The following C2CD2 variants were observed in gnomAD, a reference collection of about 807,000 sequenced individuals.
The protein encoded by C2CD2 is C2 domain-containing protein 2.
A neutral mutation model predicts 74.3 loss-of-function variants in C2CD2; 43 were observed. The observed-to-expected ratio is 0.58, with a 90% confidence interval of 0.45 to 0.75. C2CD2 has a LOEUF of 0.75. C2CD2 is among the 30% of genes least tolerant of loss of function. The pLI is 0.00. For missense variants in C2CD2, 801 were observed against 916.3 expected (o/e 0.87, Z 1.63); for synonymous variants, 422 against 390.7 (o/e 1.08, Z -0.94).
chr21:41,901,355 A>C, intron 12 of C2CD2: 1 of 522,922 alleles, frequency 1.9e-6, no homozygotes, highest in Non-Finnish European at 3.5e-6. Context: ...TCTTTCGATA[A>C]TTTTTCTTGA....
Position 41,892,327 on chromosome 21 carries a change from G to A in C2CD2, c.1871-2983C>T, listed in dbSNP as rs1186283394. 1.3e-5 allele frequency among the ~76,000 whole-genome samples: 2 copies of A among 152,168 alleles called. No individual in the cohort carries two copies. Among genetic ancestry groups the A allele is most frequent in the African/African-American group, 4.8e-5 (2 of 41,430 alleles). ...GCTCTCCCACAGGGCCTCAGAAAGG[G>A]TGGCCCTGCTAGCACCAGCAGCTCA... On this transcript the variant is annotated intron_variant, in intron 13 of 13. Transcript: ENST00000380486. The surrounding 1 kb of genome is among the most constrained non-coding windows in gnomAD (Gnocchi z 4.6).
At chr21:41,942,415 C>T (rs2065362451) in intron 1 of C2CD2, among the ~76,000 whole-genome samples, 170 bp from the exon 2 acceptor site, 1 of 152,230 alleles carries the variant, frequency 6.6e-6, no homozygotes, top group South Asian at 2.1e-4. Flanking sequence ...TCTGCACATC[C>T]AAGGAGCAGC....
chr21:41,917,337 A>C (rs2065103929), intron 5 of C2CD2, among the ~76,000 whole-genome samples: 1 of 152,268 alleles, frequency 6.6e-6, no homozygotes, highest in Non-Finnish European at 1.5e-5. Flanking sequence ...CTAGATAATA[A>C]AGATGGACAT....
Position 41,923,488 on chromosome 21 carries a change from A to G in C2CD2, c.379-1403T>C, listed in dbSNP as rs1293894914. 2.0e-5 allele frequency among the ~76,000 whole-genome samples: 3 copies of G among 152,242 alleles called. No individual in the cohort carries two copies. The highest frequency in any genetic ancestry group is 4.4e-5 in the Non-Finnish European group (3 of 68,038). ...GTTTTCTTAAATTACCCAGAACACA[A>G]TGGGTTGCTTCCACCTAAATAATTT... On this transcript the variant is annotated intron_variant, in intron 2 of 13. Transcript: ENST00000380486. This position sits in a 1 kb window ranked among gnomAD's most constrained non-coding sequence, Gnocchi z 5.8.
Position 41,939,177 on chromosome 21 carries a change from C to T in C2CD2, c.378+2970G>A, listed in dbSNP as rs1444375793. On this transcript the variant is annotated intron_variant, in intron 2 of 13. Transcript: ENST00000380486. The surrounding 1 kb of genome is among the most constrained non-coding windows in gnomAD (Gnocchi z 5.5). ...CAGTTATGAAAAATGTTGCTATGGT[C>T]ATGGCCATACAAATACGATGCTGTT... 2.0e-5 allele frequency among the ~76,000 whole-genome samples: 3 copies of T among 152,184 alleles called. No individual in the cohort carries two copies. The highest frequency in any genetic ancestry group is 4.4e-5 in the Non-Finnish European group (3 of 68,046).
At chr21:41,942,860 C>T (rs1041833132) in intron 1 of C2CD2, 2 of 498,998 alleles carry the variant, frequency 4.0e-6, no homozygotes, top group Non-Finnish European at 2.6e-6. Context: ...TGGCTGCCCA[C>T]AGAGTAGACT....
chr21:41,944,316 T>C (rs771287332), intron 1 of C2CD2, among the ~76,000 whole-genome samples: 17 of 151,734 alleles, frequency 1.1e-4, no homozygotes, highest in Non-Finnish European at 2.2e-4. Flanking sequence ...ATCGAGACCA[T>C]CCTGGCTAAC....
At position 41,923,240 on chromosome 21, in the gene C2CD2, A is replaced by G. The variant is rs150556938; in HGVS notation, c.379-1155T>C. On this transcript the variant is annotated intron_variant, in intron 2 of 13. Transcript: ENST00000380486. The surrounding 1 kb of genome is among the most constrained non-coding windows in gnomAD (Gnocchi z 5.8). ...GATCTCCTCACCTCGTGATCCGCCC[A>G]CCTCGGCCTTCCAAAGTGCTAGGAT... Among the ~76,000 whole-genome samples, 2,432 of 152,126 alleles carry G rather than the reference A, an allele frequency of 0.016. 65 individuals are homozygous for G. Among genetic ancestry groups the G allele is most frequent in the African/African-American group, 0.052 (2,177 of 41,498 alleles).
chr21:41,901,233 A>C, intron 12 of C2CD2: 1 of 309,294 alleles, frequency 3.2e-6, no homozygotes, highest in Non-Finnish European at 6.3e-6. Context: ...TTCACTGCAA[A>C]AAAGTAAAAG....
At chr21:41,931,566 G>A (rs2065261580) in intron 2 of C2CD2, among the ~76,000 whole-genome samples, 1 of 149,576 alleles carries the variant, frequency 6.7e-6, no homozygotes, top group Non-Finnish European at 1.5e-5. Flanking sequence ...GGGACTACAG[G>A]CGCGTGCCAC....
At chr21:41,950,440 G>A (rs944492929) in intron 1 of C2CD2, among the ~76,000 whole-genome samples, 4 of 152,216 alleles carry the variant, frequency 2.6e-5, no homozygotes, top group African/African-American at 9.6e-5. Context: ...GTGGGAATCC[G>A]AGGTCCCCTG....
chr21:41,909,548 G>A, intron 7 of C2CD2, 25 bp from the exon 8 acceptor site: 1 of 1,531,852 alleles, frequency 6.5e-7, no homozygotes, highest in Non-Finnish European at 9.0e-7. Context: ...CAAGTTATGA[G>A]TCCTAAAAAA....
intron 10 of C2CD2, 133 bp downstream of exon 10, chr21:41,906,859 G>C: frequency 1.6e-6 from 1 of 642,264 alleles, no homozygotes; most frequent in Non-Finnish European, 2.7e-6. Context: ...TGGCCAATTA[G>C]CACCCTTCCT....
chr21:41,897,540 G>C (rs914230803), intron 13 of C2CD2, among the ~76,000 whole-genome samples: 2 of 152,214 alleles, frequency 1.3e-5, no homozygotes, highest in Admixed American at 6.5e-5. Flanking sequence ...CAGCCCTCAA[G>C]TGCTCTGTGG....
intron 7 of C2CD2, among the ~76,000 whole-genome samples, chr21:41,910,077 T>A (rs1041627654): frequency 6.6e-6 from 1 of 151,382 alleles, no homozygotes; most frequent in Non-Finnish European, 1.5e-5. Flanking sequence ...CAAGCCATCC[T>A]CCCACCTCGG....
intron 13 of C2CD2, among the ~76,000 whole-genome samples, chr21:41,891,241 C>T (rs746384429): frequency 3.3e-5 from 5 of 152,128 alleles, no homozygotes; most frequent in African/African-American, 4.8e-5. Context: ...GTAGTATCAA[C>T]GTGTAAATGA....
Position 41,926,760 on chromosome 21 carries a change from CT to C in C2CD2, c.379-4676del. The C allele has an allele frequency of 4.3e-6, 1 of 233,412 alleles. No individual in the cohort carries two copies. Among genetic ancestry groups the C allele is most frequent in the South Asian group, 1.6e-4 (1 of 6,404 alleles). The allele number at this position is 233,412 out of a possible 1,614,324, so 14.5% of individuals were successfully genotyped here. ...CTGTACAGCTGCCTCGGCTCCTTCTCTTAGAACACTCTAGAGAACTGGAAAT... is the reference window on the plus strand; with the variant it reads ...CTGTACAGCTGCCTCGGCTCCTTCTCTAGAACACTCTAGAGAACTGGAAAT... On this transcript the variant is annotated intron_variant, in intron 2 of 13. Transcript: ENST00000380486. This position sits in a 1 kb window ranked among gnomAD's most constrained non-coding sequence, Gnocchi z 8.0.
rs2146202065 is a variant in C2CD2, at chr21:41,923,424, T to C, written c.379-1339A>G. On this transcript the variant is annotated intron_variant, in intron 2 of 13. Coordinates refer to ENST00000380486, the MANE Select transcript of C2CD2 (RefSeq NM_015500.2). This position sits in a 1 kb window ranked among gnomAD's most constrained non-coding sequence, Gnocchi z 5.8. ...AAGTTCTTTTGCTAAAAATGAGTCT[T>C]AAAGAGAAAGTAAGTTATAGATGTT... Among the ~76,000 whole-genome samples, 1 of 152,304 alleles carries C rather than the reference T, an allele frequency of 6.6e-6. No homozygotes were observed. Among genetic ancestry groups the C allele is most frequent in the Middle Eastern group, 3.4e-3 (1 of 294 alleles).
At chr21:41,936,891 T>G (rs930322621) in intron 2 of C2CD2, among the ~76,000 whole-genome samples, 8 of 143,810 alleles carry the variant, frequency 5.6e-5, no homozygotes, top group Admixed American at 1.5e-4. Flanking sequence ...CGGTCTCGGC[T>G]CACTGCAACA....
Sources: gnomAD v4.1 joint callset for allele counts (sites outside exome capture counted in the v4.1 genomes callset) on GRCh38, gnomAD v4.1.1 for gene constraint, Gnocchi (gnomAD v3.1) non-coding constraint, MANE v1.5 for transcripts, NCBI Gene and HGNC (gene_info 2026-07-23, HGNC 2026-07-21) for gene names.